TMEM217B: variants seen among roughly 807,000 people sequenced by gnomAD.
TMEM217B encodes the protein putative transmembrane protein 217B.
the TMEM217B span, among the ~76,000 whole-genome samples, chr6:37,229,337 T>TTTG: frequency 2.5e-5 from 3 of 119,610 alleles, no homozygotes; most frequent in Non-Finnish European, 3.5e-5. Context: ...AACTTTCAGT[T>TTTG]TTTTTTTTTT....
chr6:37,222,155 G>C, the TMEM217B span, among the ~76,000 whole-genome samples: 1 of 152,232 alleles, frequency 6.6e-6, no homozygotes, highest in East Asian at 1.9e-4. Context: ...CACGCAGATT[G>C]GTACATCGGG....
chr6:37,247,303 T>C, the TMEM217B span, among the ~76,000 whole-genome samples: 2 of 152,092 alleles, frequency 1.3e-5, no homozygotes, highest in Non-Finnish European at 2.9e-5. Flanking sequence ...AAGTAGTTTA[T>C]TTGGAGGTGA....
the TMEM217B span, among the ~76,000 whole-genome samples, chr6:37,221,515 A>T: frequency 6.6e-5 from 10 of 152,276 alleles, no homozygotes; most frequent in African/African-American, 2.2e-4. Flanking sequence ...AGCATTTGTG[A>T]CTGGCTTATT....
chr6:37,218,114 T>C, the TMEM217B span: 1,235 of 1,040,874 alleles, frequency 1.2e-3, 8 homozygotes, highest in African/African-American at 9.6e-3. Flanking sequence ...ACCTACCTCT[T>C]ATGGGAAAGA....
At chr6:37,230,189 T>C in the TMEM217B span, among the ~76,000 whole-genome samples, 5 of 152,226 alleles carry the variant, frequency 3.3e-5, no homozygotes, top group African/African-American at 7.2e-5. Flanking sequence ...CTGTCACAAT[T>C]CACTGCCTCT....
chr6:37,235,382 T>C, the TMEM217B span, among the ~76,000 whole-genome samples: 2 of 152,192 alleles, frequency 1.3e-5, no homozygotes, highest in Non-Finnish European at 2.9e-5. Flanking sequence ...TTATTTTTTT[T>C]TGAGACAGAG....
the TMEM217B span, among the ~76,000 whole-genome samples, chr6:37,245,470 G>A: frequency 2.0e-5 from 3 of 152,208 alleles, no homozygotes; most frequent in African/African-American, 4.8e-5. Flanking sequence ...AGTCTAGAGT[G>A]GGTGCATTTT....
At chr6:37,219,824 C>A in the TMEM217B span, among the ~76,000 whole-genome samples, 2 of 152,118 alleles carry the variant, frequency 1.3e-5, no homozygotes, top group African/African-American at 4.8e-5. Flanking sequence ...CTTGTTCAGA[C>A]CTGAGTACAG....
At chr6:37,220,175 G>A in the TMEM217B span, among the ~76,000 whole-genome samples, 4 of 152,174 alleles carry the variant, frequency 2.6e-5, no homozygotes, top group African/African-American at 9.7e-5. Flanking sequence ...TATTTGGGCT[G>A]ACATGTTGCC....
the TMEM217B span, among the ~76,000 whole-genome samples, chr6:37,247,803 A>C: frequency 6.6e-6 from 1 of 152,066 alleles, no homozygotes; most frequent in East Asian, 1.9e-4. Flanking sequence ...GTGTTTACCA[A>C]CTCCTGAGAG....
At chr6:37,222,118 T>C in the TMEM217B span, among the ~76,000 whole-genome samples, 3 of 152,232 alleles carry the variant, frequency 2.0e-5, no homozygotes, top group Non-Finnish European at 4.4e-5. Flanking sequence ...GCCCAGGTCT[T>C]TTATGGACCT....
chr6:37,214,210 T>C, the TMEM217B span, among the ~76,000 whole-genome samples: 1 of 152,188 alleles, frequency 6.6e-6, no homozygotes, highest in Non-Finnish European at 1.5e-5. Flanking sequence ...TCGCTATCCA[T>C]CTCCAGAACT....
At chr6:37,214,845 C>G in the TMEM217B span, among the ~76,000 whole-genome samples, 4 of 152,200 alleles carry the variant, frequency 2.6e-5, no homozygotes, top group African/African-American at 9.7e-5. Flanking sequence ...AGGAGGGAGG[C>G]AGTGTGTTGT....
At chr6:37,242,629 C>G in the TMEM217B span, among the ~76,000 whole-genome samples, 1 of 152,218 alleles carries the variant, frequency 6.6e-6, no homozygotes, top group Non-Finnish European at 1.5e-5. Context: ...ACAAAGCCCT[C>G]ATGATCTGAC....
chr6:37,245,730 CGAG>C, the TMEM217B span, among the ~76,000 whole-genome samples: 1 of 151,164 alleles, frequency 6.6e-6, no homozygotes, highest in African/African-American at 2.4e-5. Flanking sequence ...AGGAGGAGGA[CGAG>C]GAGGAGGAGG....
chr6:37,247,799 A>T, the TMEM217B span, among the ~76,000 whole-genome samples: 82 of 152,314 alleles, frequency 5.4e-4, no homozygotes, highest in African/African-American at 1.8e-3. Flanking sequence ...TTGGGTGTTT[A>T]CCAACTCCTG....
chr6:37,228,410 AAAT>A, the TMEM217B span, among the ~76,000 whole-genome samples: 3 of 152,250 alleles, frequency 2.0e-5, no homozygotes, highest in African/African-American at 7.2e-5. Context: ...CCATCTCAAA[AAAT>A]AATAATAAGG....
chr6:37,241,609 G>T, the TMEM217B span, among the ~76,000 whole-genome samples: 7 of 152,150 alleles, frequency 4.6e-5, no homozygotes, highest in African/African-American at 1.7e-4. Context: ...TCTGTTCCAG[G>T]TTCTACATCT....
the TMEM217B span, among the ~76,000 whole-genome samples, chr6:37,250,464 C>T: frequency 1.6e-4 from 24 of 152,136 alleles, no homozygotes; most frequent in Admixed American, 7.2e-4. Flanking sequence ...GGATGTGGAG[C>T]AATGTAAACT....
Sources: gnomAD v4.1 joint callset for allele counts (sites outside exome capture counted in the v4.1 genomes callset) on GRCh38, gnomAD v4.1.1 for gene constraint, MANE v1.5 for transcripts, NCBI Gene and HGNC (gene_info 2026-07-23, HGNC 2026-07-21) for gene names.